The following ATP2B1 variants were observed in gnomAD, a reference collection of about 807,000 sequenced individuals.
ATP2B1 encodes plasma membrane calcium-transporting ATPase 1.
Under a neutral mutation model 124.2 loss-of-function variants are expected in ATP2B1, and 14 were observed. The observed-to-expected ratio is 0.11, with a 90% confidence interval of 0.07 to 0.18. The LOEUF (loss-of-function observed/expected upper bound fraction) is 0.18, where lower values mean the gene tolerates loss of function less well. Ranked by LOEUF, ATP2B1 falls within the 10% of genes least tolerant of loss-of-function variation. ATP2B1 has a pLI of 1.00. For missense variants in ATP2B1, 763 were observed against 1,466.1 expected (o/e 0.52, Z 7.83); for synonymous variants, 449 against 492.4 (o/e 0.91, Z 1.17).
intron 20 of ATP2B1, chr12:89,598,543 G>T: frequency 6.4e-7 from 1 of 1,563,134 alleles, no homozygotes. Flanking sequence ...CGTTAGGTGT[G>T]TGAAGTAGGA....
chr12:89,678,005 C>A (rs1054594951), intron 1 of ATP2B1, among the ~76,000 whole-genome samples: 1 of 141,824 alleles, frequency 7.1e-6, no homozygotes, highest in South Asian at 2.3e-4. Flanking sequence ...CACACACACA[C>A]ACACACACAC....
intron 11 of ATP2B1, among the ~76,000 whole-genome samples, chr12:89,619,096 AAATT>A (rs1176634666): frequency 6.6e-6 from 1 of 152,214 alleles, no homozygotes; most frequent in Non-Finnish European, 1.5e-5. Flanking sequence ...TGTAATAACA[AAATT>A]AAAGCTACTG....
At chr12:89,629,938 G>T (rs981547915) in intron 6 of ATP2B1, among the ~76,000 whole-genome samples, 1 of 152,072 alleles carries the variant, frequency 6.6e-6, no homozygotes, top group Non-Finnish European at 1.5e-5. Context: ...CAGATAAATG[G>T]TATGTATGAT....
chr12:89,595,990 A>C (rs1874518513), intron 20 of ATP2B1, among the ~76,000 whole-genome samples: 1 of 152,068 alleles, frequency 6.6e-6, no homozygotes. Flanking sequence ...TTCATATGTA[A>C]CTGTGCATCA....
intron 6 of ATP2B1, among the ~76,000 whole-genome samples, chr12:89,630,106 T>TTAAG (rs1881602865): frequency 6.6e-6 from 1 of 152,162 alleles, no homozygotes; most frequent in Non-Finnish European, 1.5e-5. Flanking sequence ...ACCAAGCACA[T>TTAAG]TAAGTATAGT....
At chr12:89,657,287 A>C (rs963675368) in intron 1 of ATP2B1, among the ~76,000 whole-genome samples, 1 of 152,214 alleles carries the variant, frequency 6.6e-6, no homozygotes, top group African/African-American at 2.4e-5. Context: ...TATGCAAATT[A>C]TAATCATTAA....
intron 12 of ATP2B1, 93 bp from the exon 13 acceptor site, chr12:89,611,465 C>A (rs986243855): frequency 9.7e-7 from 1 of 1,026,518 alleles, no homozygotes; most frequent in Non-Finnish European, 1.3e-6. Flanking sequence ...AATTTATAGT[C>A]CCCCAAATGA....
At chr12:89,632,768 T>C (rs1443829286) in intron 5 of ATP2B1, among the ~76,000 whole-genome samples, 1 of 152,184 alleles carries the variant, frequency 6.6e-6, no homozygotes, top group African/African-American at 2.4e-5. Context: ...GCAGAAAAAC[T>C]TTCCCACCCA....
At chr12:89,635,935 C>T (rs929829566) in intron 3 of ATP2B1, among the ~76,000 whole-genome samples, 2 of 152,100 alleles carry the variant, frequency 1.3e-5, no homozygotes, top group Non-Finnish European at 2.9e-5. Flanking sequence ...TCATGGAATC[C>T]ATACTCAGAC....
At chr12:89,629,389 C>T (rs936219432) in intron 6 of ATP2B1, among the ~76,000 whole-genome samples, 1 of 152,084 alleles carries the variant, frequency 6.6e-6, no homozygotes, top group Non-Finnish European at 1.5e-5. Flanking sequence ...TAAATGGAAT[C>T]ATTACTGTGC....
chr12:89,659,917 AAAAAAAAAAAAAAC>A (rs1450506725), intron 1 of ATP2B1, among the ~76,000 whole-genome samples: 1 of 147,606 alleles, frequency 6.8e-6, no homozygotes, highest in Non-Finnish European at 1.5e-5. Flanking sequence ...GCGAGACTCA[AAAAAAAAAAAAAAC>A]AAAAAAAAAC....
At chr12:89,607,871 G>A (rs764883967) in intron 15 of ATP2B1, among the ~76,000 whole-genome samples, 4 of 151,956 alleles carry the variant, frequency 2.6e-5, no homozygotes, top group Admixed American at 6.6e-5. Flanking sequence ...TTGATTCTGC[G>A]GATGCAGAAT....
At chr12:89,645,220 G>A (rs922499547) in intron 2 of ATP2B1, among the ~76,000 whole-genome samples, 5 of 152,184 alleles carry the variant, frequency 3.3e-5, no homozygotes, top group African/African-American at 1.2e-4. Flanking sequence ...AGTTAAATAA[G>A]TGGAACACAA....
chr12:89,706,645 A>G (rs1293306249), intron 1 of ATP2B1, among the ~76,000 whole-genome samples: 1 of 152,234 alleles, frequency 6.6e-6, no homozygotes, highest in Non-Finnish European at 1.5e-5. Flanking sequence ...GAGAATACAG[A>G]AAAATGAAGA....
chr12:89,683,958 C>T (rs950447531), intron 1 of ATP2B1, among the ~76,000 whole-genome samples: 8 of 151,916 alleles, frequency 5.3e-5, no homozygotes, highest in African/African-American at 1.7e-4. Flanking sequence ...AATATCCTAA[C>T]GTTTGGAATA....
chr12:89,638,654 A>G (rs1883054362), intron 3 of ATP2B1, among the ~76,000 whole-genome samples: 1 of 152,184 alleles, frequency 6.6e-6, no homozygotes, highest in East Asian at 1.9e-4. Flanking sequence ...TCAAAATGCT[A>G]TCTATGTGAA....
At chr12:89,689,206 C>A (rs1459849451) in intron 1 of ATP2B1, among the ~76,000 whole-genome samples, 2 of 151,952 alleles carry the variant, frequency 1.3e-5, no homozygotes, top group East Asian at 3.9e-4. Flanking sequence ...TACAAGCTAC[C>A]CAGTTAAATT....
chr12:89,665,827 A>C (rs1887251400), intron 1 of ATP2B1, among the ~76,000 whole-genome samples: 1 of 152,208 alleles, frequency 6.6e-6, no homozygotes, highest in Admixed American at 6.5e-5. Flanking sequence ...CTACACTTAC[A>C]TGCTTAAGGA....
Position 89,655,700 on chromosome 12 carries a change from A to G in ATP2B1, c.187T>C (p.Leu63=), listed in dbSNP as rs1288135110. 6.2e-7 allele frequency: 1 copy of G among 1,614,118 alleles called. No homozygotes were observed. The highest frequency in any genetic ancestry group is 2.2e-5 in the East Asian group (1 of 44,888). ...TCACCTTCATTGGGAGATGTTTTCA[A>G]TTTGGTGCAAATTCCATAGACATCT... ...YGDVYGICTK[L]KTSPNEGLSG... The change falls in exon 2 of 21, where the codon TTG becomes CTG. Residue 63 remains leucine (L), a synonymous_variant. Transcript: ENST00000428670.
Sources: gnomAD v4.1 joint callset for allele counts (sites outside exome capture counted in the v4.1 genomes callset) on GRCh38, gnomAD v4.1.1 for gene constraint, MANE v1.5 for transcripts, NCBI Gene and HGNC (gene_info 2026-07-23, HGNC 2026-07-21) for gene names.